The following ASPA variants were observed in gnomAD, a reference collection of about 807,000 sequenced individuals.
The protein encoded by ASPA is aspartoacylase.
In ASPA, 25 loss-of-function variants were observed where a neutral mutation model predicts 29.6. The observed-to-expected ratio is 0.85, with a 90% CI of 0.62 to 1.18. ASPA has a LOEUF of 1.18. Among genes scored for constraint, ASPA ranks in the 50% most tolerant of loss-of-function variants. ASPA has a pLI of 0.00. For missense variants in ASPA, 333 were observed against 385.7 expected, an observed-to-expected ratio of 0.86 and a Z score of 1.14; for synonymous variants, 131 against 130.3, an observed-to-expected ratio of 1.01 and a Z score of -0.04.
intron 1 of ASPA, among the ~76,000 whole-genome samples, chr17:3,477,138 G>T (rs574638851): frequency 6.6e-6 from 1 of 152,092 alleles, no homozygotes; most frequent in African/African-American, 2.4e-5. Context: ...CTGGGAGACA[G>T]AGCAAGACTC....
At chr17:3,477,546 G>A (rs927431773) in intron 1 of ASPA, among the ~76,000 whole-genome samples, 11 of 151,946 alleles carry the variant, frequency 7.2e-5, no homozygotes, top group Admixed American at 3.3e-4. Context: ...CTCCACCTCC[G>A]GGTTAAAGTG....
rs2150748578 is a variant in ASPA at position 3,483,494 on chromosome 17, T to C, written c.433-5T>C. On this transcript the variant is annotated splice_region_variant and splice_polypyrimidine_tract_variant and intron_variant, in intron 2 of 5. Coordinates refer to ENST00000263080, the MANE Select transcript of ASPA (RefSeq NM_000049.4). The stretch of plus-strand genomic sequence containing the variant: ...CCTAAGAAAGACGTTTTTGATTTTT[T>C]TCAGACTTCTCTGGCTCCACTACCC... 1.2e-6 allele frequency: 2 copies of C among 1,613,722 alleles called. No individual in the cohort carries two copies. Among genetic ancestry groups the C allele is most frequent in the Non-Finnish European group, 1.7e-6 (2 of 1,179,678 alleles).
In ASPA at chr17:3,493,298, C is replaced by T. The variant is rs191129669; in HGVS notation, c.635-1052C>T. Among the ~76,000 whole-genome samples, 4 of 152,272 alleles carry T rather than the reference C, an allele frequency of 2.6e-5. No individual in the cohort carries two copies. In the East Asian group the frequency reaches 7.7e-4, roughly 29 times the overall value. On this transcript the variant is annotated intron_variant, in intron 4 of 5. Coordinates refer to ENST00000263080, the MANE Select transcript of ASPA (RefSeq NM_000049.4). ...GAAAAAGAGGCTGGGCATGGTGGCTCACGCCTGTAATCCCAGCACTTGGGG... is the reference window on the plus strand; with the variant it reads ...GAAAAAGAGGCTGGGCATGGTGGCTTACGCCTGTAATCCCAGCACTTGGGG...
rs140404373 is a variant in ASPA, at chr17:3,496,726, G to A, written c.745-2165G>A. Among the ~76,000 whole-genome samples the A allele has an allele frequency of 1.0e-3, 155 of 152,288 alleles. 1 individual carries two copies. Among genetic ancestry groups the A allele is most frequent in the African/African-American group, 3.5e-3 (147 of 41,562 alleles). On this transcript the variant is annotated intron_variant, in intron 5 of 5. Transcript: ENST00000263080. ...ACCCACCACAAACTACTAAAGTAGCGCTTCTCAAACTTGAGCCACATGACA... is the reference window on the plus strand; with the variant it reads ...ACCCACCACAAACTACTAAAGTAGCACTTCTCAAACTTGAGCCACATGACA...
At chr17:3,489,821 T>C (rs2073792819) in intron 4 of ASPA, among the ~76,000 whole-genome samples, 2 of 152,222 alleles carry the variant, frequency 1.3e-5, no homozygotes, top group Admixed American at 6.5e-5. Context: ...CATCCACTTC[T>C]TAAAACACAC....
chr17:3,489,399 A>G (rs1701076130), intron 4 of ASPA, 57 bp downstream of exon 4: 3 of 1,392,662 alleles, frequency 2.2e-6, no homozygotes, highest in Non-Finnish European at 3.1e-6. Context: ...TTAAATAACA[A>G]TTGGAACCTG....
At chr17:3,489,382 C>T in intron 4 of ASPA, 40 bp downstream of exon 4, 1 of 1,480,734 alleles carries the variant, frequency 6.8e-7, no homozygotes, top group Non-Finnish European at 9.4e-7. Flanking sequence ...ACTTAACCAC[C>T]AAACATTTAA....
intron 1 of ASPA, among the ~76,000 whole-genome samples, chr17:3,478,610 A>T (rs1043569707): frequency 2.0e-5 from 3 of 152,222 alleles, no homozygotes; most frequent in African/African-American, 2.4e-5. Flanking sequence ...GGGTGAGTTT[A>T]TGAGCACCCA....
chr17:3,494,702 G>C (rs1030217365), intron 5 of ASPA, among the ~76,000 whole-genome samples: 6 of 152,118 alleles, frequency 3.9e-5, no homozygotes, highest in African/African-American at 1.2e-4. Flanking sequence ...TATAGTGTAG[G>C]TACACAAAAG....
chr17:3,478,108 C>G (rs1421121350), intron 1 of ASPA, among the ~76,000 whole-genome samples: 2 of 152,084 alleles, frequency 1.3e-5, no homozygotes, highest in Non-Finnish European at 2.9e-5. Context: ...TGGCGTGAAC[C>G]TGGGAGGCGG....
intron 1 of ASPA, among the ~76,000 whole-genome samples, chr17:3,479,308 C>G (rs2073586626): frequency 6.6e-6 from 1 of 152,152 alleles, no homozygotes; most frequent in African/African-American, 2.4e-5. Context: ...ATACTAGCAC[C>G]ATTTACTCAA....
intron 2 of ASPA, among the ~76,000 whole-genome samples, 161 bp from the exon 3 acceptor site, chr17:3,483,338 C>A (rs537875707): frequency 6.6e-6 from 1 of 152,200 alleles, no homozygotes; most frequent in East Asian, 1.9e-4. Context: ...TGTATGTTTT[C>A]AAAGCTATAA....
intron 4 of ASPA, among the ~76,000 whole-genome samples, chr17:3,489,622 C>G (rs992743645): frequency 2.0e-5 from 3 of 152,162 alleles, no homozygotes; most frequent in African/African-American, 7.2e-5. Flanking sequence ...TGTTCAACAT[C>G]ACTAGTAATT....
chr17:3,484,605 C>T (rs9904168), intron 3 of ASPA, among the ~76,000 whole-genome samples: 98,738 of 152,124 alleles, frequency 0.65, 33,478 homozygotes, highest in Non-Finnish European at 0.76. Flanking sequence ...AAGGCCATTG[C>T]TGATTTCCAA....
At position 3,502,092 on chromosome 17, in the gene ASPA, AC is replaced by A. The variant is rs1205571328; in HGVS notation, c.*3005del. 5 of 152,266 alleles carry A rather than the reference AC, an allele frequency of 3.3e-5. No homozygotes were observed. Among genetic ancestry groups the A allele is most frequent in the African/African-American group, 1.2e-4 (5 of 41,458 alleles). 9.4% of individuals were successfully genotyped at this position (152,266 alleles called of 1,614,324 possible). A position where few individuals can be genotyped will look rare whatever the true frequency, so the allele number is the denominator to read the frequency against. On this transcript the variant is annotated 3_prime_UTR_variant, in exon 6 of 6. Coordinates refer to ENST00000263080, the MANE Select transcript of ASPA (RefSeq NM_000049.4). The stretch of plus-strand genomic sequence containing the variant: ...TGTTGTTTTATTTTAAGAAATTGTC[AC>A]GGCCATCCCAACCCTCAGTGCCCAA...
At position 3,491,625 on chromosome 17, in the gene ASPA, A is replaced by G. The variant is rs941997218; in HGVS notation, c.634+2283A>G. Among the ~76,000 whole-genome samples, 125 of 152,122 alleles carry G rather than the reference A, an allele frequency of 8.2e-4. 2 individuals carry two copies. The highest frequency in any genetic ancestry group is 3.0e-3 in the African/African-American group (123 of 41,528). On this transcript the variant is annotated intron_variant, in intron 4 of 5. Coordinates refer to ENST00000263080, the MANE Select transcript of ASPA (RefSeq NM_000049.4). The stretch of plus-strand genomic sequence containing the variant: ...TAGCTGGGTGTGGTGGCATGCGCCT[A>G]TAATTCCAGCTACTCCGAAGGCTGA...
rs550492023 is a variant in ASPA, at chr17:3,501,613, G to A, written c.*2525G>A. On this transcript the variant is annotated 3_prime_UTR_variant, in exon 6 of 6. Transcript: ENST00000263080. ...GGATTTAGAATATTACGTAAACATA[G>A]TTGATAAAGCAGCAGCAGGGTTTAA... The A allele has an allele frequency of 6.0e-6, 1 of 166,492 alleles. No individual in the cohort carries two copies. The highest frequency in any genetic ancestry group is 1.7e-4 in the South Asian group (1 of 5,864). 10.3% of individuals were successfully genotyped at this position (166,492 alleles called of 1,614,324 possible). A position where few individuals can be genotyped will look rare whatever the true frequency, so the allele number is the denominator to read the frequency against.
At position 3,499,607 on chromosome 17, in the gene ASPA, A is replaced by G. The variant is rs1182348627; in HGVS notation, c.*519A>G. On this transcript the variant is annotated 3_prime_UTR_variant, in exon 6 of 6. Transcript: ENST00000263080. ...TTATGATTTATTTATTATATCTGCT[A>G]TGGTGATCTGTGATCAGTGGCCTTT... is the stretch of plus-strand genomic sequence containing the variant. 6.5e-6 allele frequency: 1 copy of G among 152,726 alleles called. No individual in the cohort carries two copies. The highest frequency in any genetic ancestry group is 1.5e-5 in the Non-Finnish European group (1 of 68,504). 9.5% of individuals were successfully genotyped at this position (152,726 alleles called of 1,614,324 possible).
chr17:3,497,853 A>C (rs1415310902), intron 5 of ASPA, among the ~76,000 whole-genome samples: 1 of 151,790 alleles, frequency 6.6e-6, no homozygotes, highest in African/African-American at 2.4e-5. Flanking sequence ...CCCCACCCCC[A>C]ACCTATAGAA....
Sources: gnomAD v4.1 joint callset for allele counts (sites outside exome capture counted in the v4.1 genomes callset) on GRCh38, gnomAD v4.1.1 for gene constraint, MANE v1.5 for transcripts, NCBI Gene and HGNC (gene_info 2026-07-23, HGNC 2026-07-21) for gene names.